The following DPP10 variants were observed in gnomAD, a reference collection of about 807,000 sequenced individuals.
DPP10 encodes the protein inactive dipeptidyl peptidase 10.
Under a neutral mutation model 120.9 loss-of-function variants are expected in DPP10, and 33 were observed. The ratio of observed to expected loss-of-function variants is 0.27; its 90% CI spans 0.21 to 0.37. The LOEUF (loss-of-function observed/expected upper bound fraction) is 0.37. Among genes scored for constraint, DPP10 ranks in the 10% least tolerant of loss-of-function variants. The probability of loss-of-function intolerance (pLI) is 1.00; values close to 1 mark genes in which losing one functional copy is unlikely to be tolerated. For missense variants in DPP10, 816 were observed against 942.8 expected (o/e 0.87, Z 1.76); for synonymous variants, 337 against 326.1 (o/e 1.03, Z -0.36).
chr2:115,281,823 C>T (rs1185342384), intron 1 of DPP10, among the ~76,000 whole-genome samples: 3 of 151,936 alleles, frequency 2.0e-5, no homozygotes, highest in Non-Finnish European at 4.4e-5. Context: ...AAAACTATTG[C>T]TGTGCTTTAT....
intron 7 of DPP10, among the ~76,000 whole-genome samples, chr2:115,705,418 C>T (rs1474621693): frequency 6.6e-6 from 1 of 151,920 alleles, no homozygotes; most frequent in Non-Finnish European, 1.5e-5. Flanking sequence ...CACACACATT[C>T]ACACACGTTA....
At chr2:115,407,674 A>G (rs961588504) in intron 3 of DPP10, among the ~76,000 whole-genome samples, 7 of 110,766 alleles carry the variant, frequency 6.3e-5, no homozygotes, top group African/African-American at 1.3e-4. Context: ...AGCCCACTGG[A>G]AAAAAAAAAA....
intron 3 of DPP10, among the ~76,000 whole-genome samples, chr2:115,347,751 C>T (rs1227673426): frequency 2.0e-5 from 3 of 151,976 alleles, no homozygotes; most frequent in African/African-American, 2.4e-5. Context: ...TCTGTCCTTG[C>T]GATAGTTTGC....
chr2:115,099,983 C>T (rs2048598982), intron 1 of DPP10, among the ~76,000 whole-genome samples: 1 of 152,160 alleles, frequency 6.6e-6, no homozygotes, highest in Admixed American at 6.5e-5. Flanking sequence ...ATGGTTCTGA[C>T]AGAGACCCTG....
rs185813992 is a variant in DPP10, at chr2:115,105,473, C to T, written c.61-203766C>T. On this transcript the variant is annotated intron_variant, in intron 1 of 25. Transcript: ENST00000410059. ...AGAGAGAGAGGAGAAGCAGGACTGACTTTTTTGAGCAATCAGATTTGATGG... is the reference window on the plus strand; with the variant it reads ...AGAGAGAGAGGAGAAGCAGGACTGATTTTTTTGAGCAATCAGATTTGATGG... Among the ~76,000 whole-genome samples the T allele has an allele frequency of 1.4e-3, 204 of 150,928 alleles. 2 individuals are homozygous for T. The highest frequency in any genetic ancestry group is 4.7e-3 in the African/African-American group (192 of 41,094).
At chr2:115,191,276 T>A (rs567084937) in intron 1 of DPP10, among the ~76,000 whole-genome samples, 15 of 152,352 alleles carry the variant, frequency 9.8e-5, no homozygotes, top group African/African-American at 3.6e-4. Flanking sequence ...TTGGACCAAC[T>A]TCGGCAGAGA....
chr2:114,939,265 TG>T (rs1347235562), intron 1 of DPP10, among the ~76,000 whole-genome samples: 14 of 151,952 alleles, frequency 9.2e-5, no homozygotes, highest in African/African-American at 3.4e-4. Flanking sequence ...GAAGAGCAGG[TG>T]TTGAAAGGGG....
At chr2:114,579,525 C>G in intron 1 of DPP10, among the ~76,000 whole-genome samples, 1 of 152,176 alleles carries the variant, frequency 6.6e-6, no homozygotes, top group East Asian at 1.9e-4. Flanking sequence ...TTTTCAGCCC[C>G]TAAGAGAACC....
At chr2:115,388,805 A>G (rs1457406987) in intron 3 of DPP10, among the ~76,000 whole-genome samples, 3 of 152,190 alleles carry the variant, frequency 2.0e-5, no homozygotes, top group Non-Finnish European at 4.4e-5. Context: ...TTTACATTCC[A>G]CAAAGAATTT....
At chr2:114,574,771 T>C (rs1689930093) in intron 1 of DPP10, among the ~76,000 whole-genome samples, 2 of 152,228 alleles carry the variant, frequency 1.3e-5, no homozygotes, top group Non-Finnish European at 2.9e-5. Context: ...CAACTCTTTT[T>C]CTTATACATT....
At chr2:114,840,786 A>G (rs1182619465) in intron 1 of DPP10, among the ~76,000 whole-genome samples, 8 of 151,964 alleles carry the variant, frequency 5.3e-5, no homozygotes, top group Non-Finnish European at 1.2e-4. Flanking sequence ...ACGTATTGTC[A>G]CTCTATTAAA....
intron 1 of DPP10, among the ~76,000 whole-genome samples, chr2:114,557,958 G>C (rs1167831376): frequency 2.0e-5 from 3 of 152,050 alleles, no homozygotes; most frequent in African/African-American, 7.2e-5. Flanking sequence ...TTCTCCCTCT[G>C]TATGTCCCTC....
intron 1 of DPP10, among the ~76,000 whole-genome samples, chr2:114,788,081 T>A (rs958672822): frequency 1.3e-5 from 2 of 152,162 alleles, no homozygotes; most frequent in Non-Finnish European, 2.9e-5. Flanking sequence ...GCCCTCCATA[T>A]GTGTTTTCTA....
chr2:114,687,994 C>T (rs1699483961), intron 1 of DPP10, among the ~76,000 whole-genome samples: 1 of 151,988 alleles, frequency 6.6e-6, no homozygotes, highest in South Asian at 2.1e-4. Flanking sequence ...CAAAACATTT[C>T]TCCACTTATA....
At chr2:114,888,585 C>T (rs1346455937) in intron 1 of DPP10, among the ~76,000 whole-genome samples, 1 of 152,108 alleles carries the variant, frequency 6.6e-6, no homozygotes, top group South Asian at 2.1e-4. Context: ...GTAGATAGAA[C>T]TTGAATTTCA....
chr2:115,613,305 C>A (rs1427071679), intron 5 of DPP10, among the ~76,000 whole-genome samples: 1 of 152,188 alleles, frequency 6.6e-6, no homozygotes, highest in Non-Finnish European at 1.5e-5. Context: ...AGCCAAGTCT[C>A]TACTGAATGC....
intron 1 of DPP10, among the ~76,000 whole-genome samples, chr2:114,893,186 GT>G (rs1692682253): frequency 6.6e-6 from 1 of 152,114 alleles, no homozygotes; most frequent in Non-Finnish European, 1.5e-5. Context: ...AAAATTCTTT[GT>G]CAAGAAACAT....
chr2:115,537,563 G>GTTTTT (rs11392457), intron 5 of DPP10, among the ~76,000 whole-genome samples: 1 of 128,648 alleles, frequency 7.8e-6, no homozygotes, highest in African/African-American at 2.9e-5. Context: ...ACACATCACT[G>GTTTTT]TTTTTTTTTT....
At chr2:115,793,032 C>T (rs1201092584) in intron 19 of DPP10, among the ~76,000 whole-genome samples, 1 of 152,208 alleles carries the variant, frequency 6.6e-6, no homozygotes, top group Non-Finnish European at 1.5e-5. Context: ...TCTTTGTTTT[C>T]TGAAACAGAT....
Sources: gnomAD v4.1 joint callset for allele counts (sites outside exome capture counted in the v4.1 genomes callset) on GRCh38, gnomAD v4.1.1 for gene constraint, MANE v1.5 for transcripts, NCBI Gene and HGNC (gene_info 2026-07-23, HGNC 2026-07-21) for gene names.